The following NUP153 variants were observed in gnomAD, a reference collection of about 807,000 sequenced individuals.
NUP153 encodes nuclear pore complex protein Nup153.
Under a neutral mutation model 134.6 loss-of-function variants are expected in NUP153, and 27 were observed. The ratio of observed to expected loss-of-function variants is 0.20; its 90% CI spans 0.15 to 0.28. NUP153 has a LOEUF of 0.28. Ranked by LOEUF, NUP153 falls within the 10% of genes least tolerant of loss-of-function variation. The pLI, the probability that NUP153 is intolerant of heterozygous loss-of-function variation, is 1.00. For synonymous variants in NUP153, 640 were observed against 623.5 expected (o/e 1.03, Z -0.40); for missense variants, 1,821 against 1,731.3 (o/e 1.05, Z -0.92).
intron 11 of NUP153, among the ~76,000 whole-genome samples, chr6:17,653,084 C>T (rs2113804506): frequency 6.6e-6 from 1 of 152,142 alleles, no homozygotes; most frequent in South Asian, 2.1e-4. Flanking sequence ...GAAACCCTGT[C>T]TCTAATGAAA....
intron 20 of NUP153, among the ~76,000 whole-genome samples, chr6:17,622,173 G>C (rs951026902): frequency 6.6e-6 from 1 of 152,066 alleles, no homozygotes; most frequent in Non-Finnish European, 1.5e-5. Context: ...ATCTTGGCTG[G>C]GCACAGTAGC....
At chr6:17,673,570 A>G (rs1768043820) in intron 5 of NUP153, among the ~76,000 whole-genome samples, 1 of 152,242 alleles carries the variant, frequency 6.6e-6, no homozygotes. Context: ...AGATAGGCTG[A>G]TAGCAAATAA....
At position 17,680,900 on chromosome 6, in the gene NUP153, A is replaced by G. The variant is rs533892514; in HGVS notation, c.335-5130T>C. 1.6e-4 allele frequency among the ~76,000 whole-genome samples: 25 copies of G among 152,334 alleles called. No homozygotes were observed. The highest frequency in any genetic ancestry group is 3.4e-4 in the Non-Finnish European group (23 of 68,030). On this transcript the variant is annotated intron_variant, in intron 2 of 21. Coordinates refer to ENST00000262077, the MANE Select transcript of NUP153 (RefSeq NM_005124.4). This position sits in a 1 kb window ranked among gnomAD's most constrained non-coding sequence, Gnocchi z 4.5. ...CACAAAAACTAAAAGTAGAACCACA[A>G]TATGATCCAACAATCCCACTGCTGG...
At position 17,688,489 on chromosome 6, in the gene NUP153, T is replaced by C. The variant is rs200097116; in HGVS notation, c.241A>G (p.Asn81Asp). 1.1e-5 allele frequency: 18 copies of C among 1,614,182 alleles called. No homozygotes were observed. The highest frequency in any genetic ancestry group is 1.5e-5 in the Non-Finnish European group (18 of 1,180,026). Residue 81 changes from asparagine to aspartate, a missense_variant, in exon 2 of 22, where the codon AAT becomes GAT. Asn to Asp is a conservative substitution (Grantham distance 23, BLOSUM62 1). Coordinates refer to ENST00000262077, the MANE Select transcript of NUP153 (RefSeq NM_005124.4). Reference protein sequence around the residue: ...DTSEVPRWPENKEDHLVYADE... With the variant: ...DTSEVPRWPEDKEDHLVYADE... Reference sequence around the variant, plus strand: ...GCATATACCAGATGGTCCTCTTTATTTTCTGGCCAGCGTGGAACCTCGCTT... The same window carrying C: ...GCATATACCAGATGGTCCTCTTTATCTTCTGGCCAGCGTGGAACCTCGCTT...
intron 13 of NUP153, among the ~76,000 whole-genome samples, chr6:17,646,546 T>C (rs1451605877): frequency 6.6e-6 from 1 of 152,284 alleles, no homozygotes; most frequent in East Asian, 1.9e-4. Flanking sequence ...AAAAACATAC[T>C]TTCACCTATT....
chr6:17,625,937 T>C lies in NUP153; in HGVS notation c.3772A>G (p.Ser1258Gly). Residue 1258 changes from serine to glycine, a missense_variant, in exon 19 of 22, where the codon AGC becomes GGC. Transcript: ENST00000262077. The surrounding 1 kb of genome is among the most constrained non-coding windows in gnomAD (Gnocchi z 4.7). ...TSQSLLFSQDSKLATTSSTGT... is the reference protein window; with the variant it reads ...TSQSLLFSQDGKLATTSSTGT... Reference sequence around the variant, plus strand: ...GTGCTGGATGTGGTTGCTAGTTTGCTATCTTGAGAAAATAGCAAAGACTGA... The same window carrying C: ...GTGCTGGATGTGGTTGCTAGTTTGCCATCTTGAGAAAATAGCAAAGACTGA... 6.2e-7 allele frequency: 1 copy of C among 1,614,198 alleles called. No individual in the cohort carries two copies.
chr6:17,643,778 C>T (rs1256535678), intron 14 of NUP153, among the ~76,000 whole-genome samples: 1 of 152,030 alleles, frequency 6.6e-6, no homozygotes, highest in Non-Finnish European at 1.5e-5. Flanking sequence ...CACTCATAAT[C>T]GACTCCTTAA....
chr6:17,620,796 C>G (rs576908735), intron 20 of NUP153, among the ~76,000 whole-genome samples: 28 of 152,236 alleles, frequency 1.8e-4, no homozygotes, highest in Admixed American at 2.6e-4. Context: ...ATAGGACCCC[C>G]CTGGCCTAGG....
At chr6:17,667,716 A>T (rs1767625270) in intron 8 of NUP153, among the ~76,000 whole-genome samples, 2 of 152,200 alleles carry the variant, frequency 1.3e-5, no homozygotes, top group African/African-American at 4.8e-5. Context: ...ACGCTGCCTC[A>T]AAAAGAAAAG....
At chr6:17,691,422 T>C (rs1297436365) in intron 1 of NUP153, among the ~76,000 whole-genome samples, 1 of 152,222 alleles carries the variant, frequency 6.6e-6, no homozygotes, top group Non-Finnish European at 1.5e-5. Flanking sequence ...ACTTATCCCA[T>C]TTCCATACTT....
At chr6:17,682,719 C>A (rs1403238682) in intron 2 of NUP153, among the ~76,000 whole-genome samples, 2 of 151,990 alleles carry the variant, frequency 1.3e-5, no homozygotes, top group African/African-American at 4.8e-5. Context: ...GAGCTCGAGA[C>A]CATCCTTGCC....
intron 2 of NUP153, among the ~76,000 whole-genome samples, chr6:17,684,009 G>T (rs1011484374): frequency 2.6e-5 from 4 of 152,046 alleles, no homozygotes; most frequent in Non-Finnish European, 5.9e-5. Context: ...ATGATATTTG[G>T]TTGTTAAAAT....
chr6:17,641,307 C>T (rs889315855), intron 14 of NUP153, among the ~76,000 whole-genome samples: 3 of 152,128 alleles, frequency 2.0e-5, no homozygotes, highest in East Asian at 3.9e-4. Context: ...GAGGCCAAGG[C>T]GGGCAGATCA....
In NUP153 at chr6:17,637,303, C is replaced by T; in HGVS notation, c.2314G>A (p.Ala772Thr). ...GTTACAGTGCAGCTGGAAGATGAAG[C>T]AGTCATAGTCTCAGCACTTTCCGAA... is the stretch of plus-strand genomic sequence containing the variant. ...VVSESAETMTASSSSCTVTTG... is the reference protein window; with the variant it reads ...VVSESAETMTTSSSSCTVTTG... The change falls in exon 16 of 22, where the codon GCT becomes ACT. Residue 772 changes from alanine to threonine, a missense_variant. Transcript: ENST00000262077. 6.2e-7 allele frequency: 1 copy of T among 1,614,180 alleles called. No individual in the cohort carries two copies. Among genetic ancestry groups the T allele is most frequent in the South Asian group, 1.1e-5 (1 of 91,086 alleles).
chr6:17,618,651 C>T (rs1764469735), intron 20 of NUP153, among the ~76,000 whole-genome samples: 1 of 151,608 alleles, frequency 6.6e-6, no homozygotes. Context: ...CTGCAAGCTC[C>T]ACCTCCCGAG....
At chr6:17,632,038 A>C (rs1765279405) in intron 17 of NUP153, among the ~76,000 whole-genome samples, 1 of 152,180 alleles carries the variant, frequency 6.6e-6, no homozygotes, top group Admixed American at 6.5e-5. Flanking sequence ...CTTTGTACTT[A>C]TATAGTAAAA....
chr6:17,681,848 T>C (rs1403740729), intron 2 of NUP153, among the ~76,000 whole-genome samples: 2 of 152,108 alleles, frequency 1.3e-5, no homozygotes, highest in Non-Finnish European at 2.9e-5. Context: ...AGTGATAGGA[T>C]AATTTTCTAA....
intron 14 of NUP153, among the ~76,000 whole-genome samples, chr6:17,641,490 G>A (rs192281781): frequency 3.3e-5 from 5 of 152,092 alleles, no homozygotes; most frequent in Admixed American, 6.5e-5. Context: ...AGCCAAGATC[G>A]TGCCACTGTA....
intron 2 of NUP153, among the ~76,000 whole-genome samples, chr6:17,683,410 T>C (rs1768730792): frequency 1.3e-5 from 2 of 152,212 alleles, no homozygotes; most frequent in African/African-American, 4.8e-5. Context: ...GAATGGACAT[T>C]GTATTATCAA....
Sources: gnomAD v4.1 joint callset for allele counts (sites outside exome capture counted in the v4.1 genomes callset) on GRCh38, gnomAD v4.1.1 for gene constraint, Gnocchi (gnomAD v3.1) non-coding constraint, MANE v1.5 for transcripts, NCBI Gene and HGNC (gene_info 2026-07-23, HGNC 2026-07-21) for gene names.